Variants in KCTD16 observed in about 807,000 individuals in gnomAD.
The protein encoded by KCTD16 is BTB/POZ domain-containing protein KCTD16.
Under a neutral mutation model 33.2 loss-of-function variants are expected in KCTD16, and 13 were observed. The observed-to-expected ratio is 0.39, with a 90% CI of 0.25 to 0.62. The LOEUF is 0.62. Among genes scored for constraint, KCTD16 ranks in the 20% least tolerant of loss-of-function variants. The pLI is 0.50. For missense variants in KCTD16, 441 were observed against 525.1 expected (o/e 0.84, Z 1.57); for synonymous variants, 197 against 195.3 (o/e 1.01, Z -0.07).
At chr5:144,305,282 AG>A (rs1299358938) in intron 3 of KCTD16, among the ~76,000 whole-genome samples, 1 of 152,160 alleles carries the variant, frequency 6.6e-6, no homozygotes, top group Admixed American at 6.5e-5. Context: ...CTACCAGCAA[AG>A]GTTGTGTTAT....
At chr5:144,423,297 A>C (rs1753251228) in intron 3 of KCTD16, among the ~76,000 whole-genome samples, 1 of 152,162 alleles carries the variant, frequency 6.6e-6, no homozygotes, top group South Asian at 2.1e-4. Flanking sequence ...GCCAGCTTTT[A>C]AGCAAGGGAG....
chr5:144,244,568 C>T (rs1754498063), intron 3 of KCTD16, among the ~76,000 whole-genome samples: 8 of 152,150 alleles, frequency 5.3e-5, no homozygotes. Flanking sequence ...ATCAGATATA[C>T]TTTATGGTCA....
chr5:144,325,515 C>T (rs1447025567), intron 3 of KCTD16, among the ~76,000 whole-genome samples: 1 of 152,164 alleles, frequency 6.6e-6, no homozygotes, highest in Non-Finnish European at 1.5e-5. Context: ...TTAGATTTTA[C>T]ACTCAACCTA....
intron 3 of KCTD16, among the ~76,000 whole-genome samples, chr5:144,262,923 T>G (rs565678253): frequency 1.4e-4 from 22 of 152,306 alleles, no homozygotes. Context: ...CAGACATAAT[T>G]CAGAGCCAGG....
At position 144,479,683 on chromosome 5, in the gene KCTD16, A is replaced by C. The variant is rs769597051; in HGVS notation, c.*5569A>C. On this transcript the variant is annotated 3_prime_UTR_variant, in exon 4 of 4. Transcript: ENST00000512467. ...GTTGCCCTCTCTCCTCTACTTCCTA[A>C]GTGGGATCCCTTTTCTGTCCCGGCT... 3 of 151,976 alleles carry C rather than the reference A, an allele frequency of 2.0e-5. No individual in the cohort carries two copies. The highest frequency in any genetic ancestry group is 2.0e-4 in the Admixed American group (3 of 15,220). The allele number at this position is 151,976 out of a possible 1,614,324, so 9.4% of individuals were successfully genotyped here. A position where few individuals can be genotyped will look rare whatever the true frequency, so the allele number is the denominator to read the frequency against.
intron 3 of KCTD16, among the ~76,000 whole-genome samples, chr5:144,332,948 G>A (rs1342607548): frequency 6.6e-6 from 1 of 152,088 alleles, no homozygotes; most frequent in Non-Finnish European, 1.5e-5. Flanking sequence ...TGTGTGCAGG[G>A]GAACCATCAG....
chr5:144,463,209 G>A (rs1217669700), intron 3 of KCTD16, among the ~76,000 whole-genome samples: 1 of 152,150 alleles, frequency 6.6e-6, no homozygotes, highest in Non-Finnish European at 1.5e-5. Flanking sequence ...AGCCCATGAT[G>A]AGGGTACAAA....
chr5:144,193,723 T>C lies in KCTD16; in HGVS notation c.-326-12666T>C, dbSNP rs546797617. On this transcript the variant is annotated intron_variant, in intron 2 of 3. Coordinates refer to ENST00000512467, the MANE Select transcript of KCTD16 (RefSeq NM_020768.4). ...CTTATAGCTTAGTGTTGTGCCTGGC[T>C]CATGGCTCCATAATTATTTCTTAGT... Among the ~76,000 whole-genome samples the C allele has an allele frequency of 1.5e-4, 23 of 152,238 alleles. No individual in the cohort carries two copies. The East Asian group carries it at 4.1e-3, about 27-fold the overall frequency.
chr5:144,447,435 A>G (rs1753844221), intron 3 of KCTD16, among the ~76,000 whole-genome samples: 1 of 152,106 alleles, frequency 6.6e-6, no homozygotes, highest in African/African-American at 2.4e-5. Context: ...GAGGCATAGC[A>G]TTAGGAGAAA....
chr5:144,255,452 G>A (rs1472974579), intron 3 of KCTD16, among the ~76,000 whole-genome samples: 1 of 152,134 alleles, frequency 6.6e-6, no homozygotes, highest in Non-Finnish European at 1.5e-5. Flanking sequence ...CCTACCAACA[G>A]TGTGCAGGTT....
At position 144,483,937 on chromosome 5, in the gene KCTD16, G is replaced by T. The variant is rs1344179689; in HGVS notation, c.*9823G>T. On this transcript the variant is annotated 3_prime_UTR_variant, in exon 4 of 4. Transcript: ENST00000512467. ...AGAAAATCCATTTTTTTAAAGCAATGAAATGTTCTAATTAGGTTTGAGGAC... is the reference window on the plus strand; with the variant it reads ...AGAAAATCCATTTTTTTAAAGCAATTAAATGTTCTAATTAGGTTTGAGGAC... The T allele has an allele frequency of 1.3e-5, 2 of 151,904 alleles. No homozygotes were observed. 9.4% of individuals were successfully genotyped at this position (151,904 alleles called of 1,614,324 possible).
intron 3 of KCTD16, among the ~76,000 whole-genome samples, chr5:144,453,270 T>C (rs990261006): frequency 6.6e-6 from 1 of 152,028 alleles, no homozygotes; most frequent in Admixed American, 6.6e-5. Context: ...CCCTGTGACA[T>C]CCCCAACAAG....
chr5:144,339,015 G>T (rs960544924), intron 3 of KCTD16, among the ~76,000 whole-genome samples: 1 of 151,310 alleles, frequency 6.6e-6, no homozygotes, highest in Admixed American at 6.6e-5. Context: ...GGAACGTGAG[G>T]CAAGAATTGT....
chr5:144,297,783 A>G (rs1756085733), intron 3 of KCTD16, among the ~76,000 whole-genome samples: 1 of 152,238 alleles, frequency 6.6e-6, no homozygotes. Flanking sequence ...CTGAGAGCAC[A>G]GCGGGAGGGA....
chr5:144,224,539 T>C (rs1243202065), intron 3 of KCTD16, among the ~76,000 whole-genome samples: 1 of 152,136 alleles, frequency 6.6e-6, no homozygotes, highest in Non-Finnish European at 1.5e-5. Context: ...CCAGCCCTAT[T>C]CTGTAAAAAC....
chr5:144,354,181 G>A lies in KCTD16; in HGVS notation c.833-119479G>A, dbSNP rs558907179. ...CAACTCTAAAAAAATTTTGTAACTC[G>A]CTTTTATCACTTAATATATCATAGA... On this transcript the variant is annotated intron_variant, in intron 3 of 3. Coordinates refer to ENST00000512467, the MANE Select transcript of KCTD16 (RefSeq NM_020768.4). 2.3e-4 allele frequency among the ~76,000 whole-genome samples: 35 copies of A among 151,922 alleles called. No individual in the cohort carries two copies. In the East Asian group the frequency reaches 4.4e-3, roughly 19 times the overall value.
intron 3 of KCTD16, among the ~76,000 whole-genome samples, chr5:144,327,486 G>A (rs1752240967): frequency 6.6e-6 from 1 of 152,044 alleles, no homozygotes; most frequent in African/African-American, 2.4e-5. Flanking sequence ...ATCCAATATA[G>A]AGCTGTGTAT....
chr5:144,341,320 C>T (rs757676593), intron 3 of KCTD16, among the ~76,000 whole-genome samples: 4 of 152,106 alleles, frequency 2.6e-5, no homozygotes, highest in Non-Finnish European at 4.4e-5. Flanking sequence ...GATGCCATCC[C>T]ACCTTGCTCA....
At chr5:144,400,535 G>T (rs1289231224) in intron 3 of KCTD16, among the ~76,000 whole-genome samples, 2 of 152,104 alleles carry the variant, frequency 1.3e-5, no homozygotes, top group Admixed American at 6.6e-5. Context: ...AATATGAGTA[G>T]CAGTAGATTA....
Sources: allele counts gnomAD v4.1 joint callset (sites outside exome capture counted in the v4.1 genomes callset), GRCh38; gene constraint gnomAD v4.1.1; transcripts MANE v1.5; gene names NCBI Gene and HGNC (gene_info 2026-07-23, HGNC 2026-07-21).